The following ANKRD27 variants were observed in gnomAD, a reference collection of about 807,000 sequenced individuals.
ANKRD27 encodes the protein ankyrin repeat domain 27.
Under a neutral mutation model 129.7 loss-of-function variants are expected in ANKRD27, and 112 were observed. The ratio of observed to expected loss-of-function variants is 0.86; its 90% CI spans 0.74 to 1.01. The LOEUF is 1.01. Ranked by LOEUF, ANKRD27 falls within the 50% of genes least tolerant of loss-of-function variation. The pLI, the probability that ANKRD27 is intolerant of heterozygous loss-of-function variation, is 0.00. For synonymous variants in ANKRD27, 516 were observed against 511.2 expected (o/e 1.01, Z -0.13); for missense variants, 1,258 against 1,300.5 (o/e 0.97, Z 0.50).
Position 32,602,064 on chromosome 19 carries a change from C to T in ANKRD27, c.2718G>A (p.Val906=). ...CATACTCCTTGCGGTCAGTTTCAGC[C>T]ACATCATCTAATGAAGCAACACAGC... ...VPSCVASLDD[V]AETDRKEYVT... is the part of the protein sequence containing the mutation. Residue 906 remains valine, a synonymous_variant, in exon 26 of 29, where the codon GTG becomes GTA. Transcript: ENST00000306065. 1.2e-6 allele frequency: 2 copies of T among 1,614,096 alleles called. No homozygotes were observed. Among genetic ancestry groups the T allele is most frequent in the Non-Finnish European group, 1.7e-6 (2 of 1,179,992 alleles).
intron 13 of ANKRD27, among the ~76,000 whole-genome samples, chr19:32,629,225 G>A (rs1036433582): frequency 1.3e-5 from 2 of 152,138 alleles, no homozygotes; most frequent in African/African-American, 4.8e-5. Flanking sequence ...CTGGCCGAGA[G>A]TCCTTTTAGA....
intron 21 of ANKRD27, among the ~76,000 whole-genome samples, chr19:32,616,085 G>C (rs444089): frequency 0.15 from 23,558 of 152,124 alleles, 1,964 homozygotes; most frequent in Middle Eastern, 0.27. Flanking sequence ...TGTAATCCCA[G>C]CATTCTGGGA....
At chr19:32,627,101 G>A (rs559022571) in intron 15 of ANKRD27, among the ~76,000 whole-genome samples, 1 of 152,232 alleles carries the variant, frequency 6.6e-6, no homozygotes, top group Admixed American at 6.5e-5. Context: ...CAGGCTCCAT[G>A]ACTCATCAGT....
chr19:32,625,812 C>T lies in ANKRD27; in HGVS notation c.1629+62G>A, dbSNP rs73928819. On this transcript the variant is annotated intron_variant, in intron 17 of 28. Transcript: ENST00000306065. ...CACAAAATACATTAATGAGAAATCC[C>T]GACTTCTCTACGAGTGGGAAAGGGT... is the stretch of plus-strand genomic sequence containing the variant. 7.5e-4 allele frequency: 987 copies of T among 1,308,950 alleles called. 8 individuals carry two copies. In the South Asian group the frequency reaches 0.011, roughly 15 times the overall value. The allele number at this position is 1,308,950 out of a possible 1,614,324, so 81.1% of individuals were successfully genotyped here.
intron 1 of ANKRD27, among the ~76,000 whole-genome samples, chr19:32,663,924 C>T (rs1019322666): frequency 6.7e-6 from 1 of 149,756 alleles, no homozygotes; most frequent in Non-Finnish European, 1.5e-5. Flanking sequence ...GGCGTAGTGG[C>T]GGGCGCCTGT....
intron 24 of ANKRD27, 147 bp from the exon 25 acceptor site, chr19:32,604,571 T>C (rs956619687): frequency 1.5e-5 from 12 of 824,972 alleles, no homozygotes; most frequent in Non-Finnish European, 2.0e-5. Context: ...AAAGTAATAC[T>C]GAGAAAAAAA....
intron 17 of ANKRD27, 49 bp from the exon 18 acceptor site, chr19:32,622,668 G>T (rs118160494): frequency 6.3e-7 from 1 of 1,590,176 alleles, no homozygotes; most frequent in Non-Finnish European, 8.6e-7. Context: ...ACCAAGCCTC[G>T]ACAAGGTCCG....
Position 32,607,673 on chromosome 19 carries a change from C to T in ANKRD27, c.2335G>A (p.Val779Ile), listed in dbSNP as rs759978285. Residue 779 changes from valine to isoleucine, a missense_variant, in exon 23 of 29, where the codon GTC (valine) becomes ATC (isoleucine). Coordinates refer to ENST00000306065, the MANE Select transcript of ANKRD27 (RefSeq NM_032139.3). ...NAGARNADQA[V>I]PLHLACQQGH... ...TGCTGGCAGGCCAGGTGGAGCGGGA[C>T]GGCTTGGTCTGCGTTCCTGGCACCT... The T allele has an allele frequency of 9.3e-6, 15 of 1,611,876 alleles. No homozygotes were observed. The East Asian group carries it at 1.1e-4, about 12-fold the overall frequency.
chr19:32,621,835 A>G (rs1972014578), intron 18 of ANKRD27, among the ~76,000 whole-genome samples: 1 of 152,050 alleles, frequency 6.6e-6, no homozygotes, highest in Non-Finnish European at 1.5e-5. Flanking sequence ...TAACGATGCC[A>G]TTCACCAGCT....
At chr19:32,644,569 G>A (rs1967266829) in intron 4 of ANKRD27, 90 bp from the exon 5 acceptor site, 1 of 1,423,280 alleles carries the variant, frequency 7.0e-7, no homozygotes, top group South Asian at 1.3e-5. Flanking sequence ...CCTCTGGGGA[G>A]GAGGGCAAAT....
intron 1 of ANKRD27, among the ~76,000 whole-genome samples, chr19:32,668,493 A>G (rs1285222664): frequency 3.2e-5 from 4 of 125,716 alleles, no homozygotes; most frequent in Non-Finnish European, 4.9e-5. Flanking sequence ...TTTTTTTTTG[A>G]GACGGGTCTT....
intron 21 of ANKRD27, among the ~76,000 whole-genome samples, 183 bp downstream of exon 21, chr19:32,617,406 G>C (rs1449617918): frequency 6.6e-6 from 1 of 152,024 alleles, no homozygotes; most frequent in East Asian, 1.9e-4. Context: ...GATTAGCCAG[G>C]CATGGCCGCG....
intron 22 of ANKRD27, among the ~76,000 whole-genome samples, chr19:32,614,629 G>A (rs975588229): frequency 1.3e-4 from 20 of 152,024 alleles, no homozygotes; most frequent in Non-Finnish European, 1.0e-4. Context: ...GCTTCAACCC[G>A]GGAGGCAGAG....
intron 1 of ANKRD27, among the ~76,000 whole-genome samples, chr19:32,674,724 C>CCGCCCCG (rs1283501696): frequency 2.0e-5 from 3 of 151,768 alleles, no homozygotes; most frequent in East Asian, 2.0e-4. Context: ...CGCGCGGCGA[C>CCGCCCCG]CGCCCCGCGC....
intron 12 of ANKRD27, among the ~76,000 whole-genome samples, chr19:32,637,136 G>C (rs2161172): frequency 1.3e-5 from 2 of 152,112 alleles, no homozygotes; most frequent in African/African-American, 4.8e-5. Context: ...CGAATGAATG[G>C]GGTGGAAATG....
chr19:32,618,897 C>G (rs769451577), intron 20 of ANKRD27, among the ~76,000 whole-genome samples: 5 of 152,104 alleles, frequency 3.3e-5, no homozygotes, highest in Non-Finnish European at 7.4e-5. Context: ...GGCAACAGAG[C>G]GAGACTCTTA....
At chr19:32,598,523 T>G (rs1384483793) in intron 28 of ANKRD27, 145 bp from the exon 29 acceptor site, 2 of 713,748 alleles carry the variant, frequency 2.8e-6, no homozygotes, top group East Asian at 5.4e-5. Flanking sequence ...CACATCCCTG[T>G]CGTGGTAACA....
At chr19:32,641,705 TAC>T (rs1486733245) in intron 10 of ANKRD27, among the ~76,000 whole-genome samples, 1 of 151,836 alleles carries the variant, frequency 6.6e-6, no homozygotes, top group Non-Finnish European at 1.5e-5. Flanking sequence ...ATCCCTTATC[TAC>T]ACATACAGCT....
chr19:32,607,909 C>A (rs1977288607), intron 22 of ANKRD27, 77 bp from the exon 23 acceptor site: 13 of 1,396,050 alleles, frequency 9.3e-6, no homozygotes, highest in African/African-American at 1.4e-5. Flanking sequence ...GCACCATGTG[C>A]CCCCCACAGC....
Sources: gnomAD v4.1 joint callset for allele counts (sites outside exome capture counted in the v4.1 genomes callset) on GRCh38, gnomAD v4.1.1 for gene constraint, MANE v1.5 for transcripts, NCBI Gene and HGNC (gene_info 2026-07-23, HGNC 2026-07-21) for gene names.